SEMA3C: variants seen among roughly 807,000 people sequenced by gnomAD.
SEMA3C encodes semaphorin-3C.
SEMA3C carries 47 observed loss-of-function variants against 89.4 expected under a neutral mutation model. The observed-to-expected ratio is 0.53, with a 90% CI of 0.42 to 0.67. The LOEUF (loss-of-function observed/expected upper bound fraction) is 0.67. Ranked by LOEUF, SEMA3C falls within the 30% of genes least tolerant of loss-of-function variation. The pLI, the probability that SEMA3C is intolerant of heterozygous loss-of-function variation, is 0.00. For synonymous variants in SEMA3C, 310 were observed against 320.2 expected (o/e 0.97, Z 0.34); for missense variants, 839 against 929.1 (o/e 0.90, Z 1.26).
chr7:80,903,469 T>C (rs2116208305), intron 2 of SEMA3C, among the ~76,000 whole-genome samples: 1 of 152,246 alleles, frequency 6.6e-6, no homozygotes, highest in African/African-American at 2.4e-5. Flanking sequence ...AGGACCAGCC[T>C]GGCCAACATG....
rs1583985378 is a variant in SEMA3C, at chr7:80,892,864, C to T, written c.103+23815G>A. Among the ~76,000 whole-genome samples, 3 of 152,110 alleles carry T rather than the reference C, an allele frequency of 2.0e-5. No homozygotes were observed. The East Asian group carries it at 5.8e-4, about 29-fold the overall frequency. On this transcript the variant is annotated intron_variant, in intron 2 of 17. Coordinates refer to ENST00000265361, the MANE Select transcript of SEMA3C (RefSeq NM_006379.5). Reference sequence around the variant, plus strand: ...TTTTCATGGCTCTAACAAGAATAATCTTTTCTGGAAAACAAAAGACTGTGT... The same window carrying T: ...TTTTCATGGCTCTAACAAGAATAATTTTTTCTGGAAAACAAAAGACTGTGT...
At chr7:80,906,940 G>A (rs1267451515) in intron 2 of SEMA3C, among the ~76,000 whole-genome samples, 1 of 152,092 alleles carries the variant, frequency 6.6e-6, no homozygotes, top group East Asian at 1.9e-4. Flanking sequence ...TACCACTGTT[G>A]TCAATATAAT....
intron 12 of SEMA3C, among the ~76,000 whole-genome samples, chr7:80,786,805 T>G (rs954234836): frequency 2.6e-5 from 4 of 152,180 alleles, no homozygotes; most frequent in African/African-American, 7.2e-5. Flanking sequence ...AGAGAGAAAT[T>G]ATATAGCAAA....
intron 2 of SEMA3C, among the ~76,000 whole-genome samples, chr7:80,838,427 T>G (rs1164328155): frequency 1.3e-5 from 2 of 152,210 alleles, no homozygotes; most frequent in Admixed American, 6.5e-5. Context: ...GTAAAGCTAA[T>G]GTAATCCTTC....
chr7:80,849,835 AAC>A (rs1790472377), intron 2 of SEMA3C, among the ~76,000 whole-genome samples: 2 of 152,286 alleles, frequency 1.3e-5, no homozygotes, highest in Admixed American at 6.5e-5. Flanking sequence ...TCATTTATAT[AAC>A]ACTACCATTA....
intron 2 of SEMA3C, among the ~76,000 whole-genome samples, chr7:80,897,127 CCTCT>C (rs1216724828): frequency 3.9e-5 from 6 of 152,104 alleles, no homozygotes; most frequent in Admixed American, 2.6e-4. Context: ...AATTCTTCTC[CCTCT>C]AATTTCCCTT....
chr7:80,763,321 C>T (rs989973021), intron 13 of SEMA3C, among the ~76,000 whole-genome samples: 1 of 152,130 alleles, frequency 6.6e-6, no homozygotes, highest in African/African-American at 2.4e-5. Context: ...GTATCATACA[C>T]ACCCAATTAT....
intron 2 of SEMA3C, among the ~76,000 whole-genome samples, chr7:80,882,823 T>C (rs749456463): frequency 3.3e-5 from 5 of 152,024 alleles, no homozygotes; most frequent in Non-Finnish European, 7.4e-5. Flanking sequence ...AAAACTTTTA[T>C]ATATAAATAT....
At chr7:80,818,174 T>C (rs1789655728) in intron 5 of SEMA3C, 125 bp downstream of exon 5, 1 of 893,836 alleles carries the variant, frequency 1.1e-6, no homozygotes, top group African/African-American at 1.7e-5. Flanking sequence ...GTAATATAGT[T>C]TGTATTTAAA....
intron 2 of SEMA3C, among the ~76,000 whole-genome samples, chr7:80,846,867 T>C (rs1371893440): frequency 1.3e-5 from 2 of 152,178 alleles, no homozygotes; most frequent in Non-Finnish European, 2.9e-5. Flanking sequence ...GAGTTAAGTA[T>C]GTGTTGATCA....
At chr7:80,809,205 G>A (rs2115707203) in intron 6 of SEMA3C, among the ~76,000 whole-genome samples, 1 of 152,172 alleles carries the variant, frequency 6.6e-6, no homozygotes, top group Middle Eastern at 3.4e-3. Flanking sequence ...TAGGCCCGCT[G>A]CTTAACTGAT....
chr7:80,921,079 C>T (rs918081686), upstream of SEMA3C, among the ~76,000 whole-genome samples: 5 of 152,124 alleles, frequency 3.3e-5, no homozygotes, highest in East Asian at 1.9e-4. Flanking sequence ...GCATCTCAAA[C>T]GGTGTATTTA....
intron 7 of SEMA3C, among the ~76,000 whole-genome samples, chr7:80,804,763 T>C (rs1789296606): frequency 6.6e-6 from 1 of 152,158 alleles, no homozygotes; most frequent in Admixed American, 6.5e-5. Flanking sequence ...AAACAACTTT[T>C]AGAATATTCT....
intron 2 of SEMA3C, among the ~76,000 whole-genome samples, chr7:80,893,989 C>CA (rs1176621528): frequency 1.1e-4 from 16 of 152,156 alleles, no homozygotes; most frequent in Non-Finnish European, 1.9e-4. Context: ...TTCTACAACT[C>CA]ACTTGAATTT....
chr7:80,792,085 C>G lies in SEMA3C; in HGVS notation c.1132-2557G>C, dbSNP rs73370898. Among the ~76,000 whole-genome samples the G allele has an allele frequency of 9.5e-3, 1,453 of 152,204 alleles. 22 individuals carry two copies. Among genetic ancestry groups the G allele is most frequent in the African/African-American group, 0.033 (1,378 of 41,544 alleles). ...AAAACGAAACCTCTCATTCTTTATT[C>G]CATTAACTAGACTTTCATCTGGAGT... On this transcript the variant is annotated intron_variant, in intron 11 of 17. Coordinates refer to ENST00000265361, the MANE Select transcript of SEMA3C (RefSeq NM_006379.5).
chr7:80,844,975 G>C (rs1260456134), intron 2 of SEMA3C, among the ~76,000 whole-genome samples: 1 of 152,126 alleles, frequency 6.6e-6, no homozygotes, highest in Admixed American at 6.6e-5. Flanking sequence ...GGGGGTTCAT[G>C]ATCTCGCCGC....
At chr7:80,812,600 T>G (rs1789493613) in intron 5 of SEMA3C, among the ~76,000 whole-genome samples, 2 of 152,166 alleles carry the variant, frequency 1.3e-5, no homozygotes, top group South Asian at 4.1e-4. Flanking sequence ...ACTGACCTAC[T>G]CCTACATTGC....
chr7:80,847,160 AT>A (rs1257187321), intron 2 of SEMA3C: 1 of 152,156 alleles, frequency 6.6e-6, no homozygotes, highest in Non-Finnish European at 1.5e-5. Flanking sequence ...AAGACCTTCA[AT>A]TTTCTACCCA....
At chr7:80,831,906 A>G (rs1288713707) in intron 2 of SEMA3C, among the ~76,000 whole-genome samples, 3 of 152,204 alleles carry the variant, frequency 2.0e-5, no homozygotes, top group East Asian at 3.8e-4. Flanking sequence ...AAAAGGAGAT[A>G]TATTTGGTAG....
Sources: allele counts gnomAD v4.1 joint callset (sites outside exome capture counted in the v4.1 genomes callset), GRCh38; gene constraint gnomAD v4.1.1; transcripts MANE v1.5; gene names NCBI Gene and HGNC (gene_info 2026-07-23, HGNC 2026-07-21).